The following DPP7 variants were observed in gnomAD, a reference collection of about 807,000 sequenced individuals.
DPP7 encodes the protein dipeptidyl peptidase 7, also known as dipeptidyl peptidase 2.
DPP7 carries 74 observed loss-of-function variants against 58.8 expected under a neutral mutation model. That is an observed-to-expected ratio of 1.26 (90% CI 1.04 to 1.53). The LOEUF is 1.53. Among genes scored for constraint, DPP7 ranks in the 40% most tolerant of loss-of-function variants. The pLI, the probability that DPP7 is intolerant of heterozygous loss-of-function variation, is 0.00. For missense variants in DPP7, 807 were observed against 692.3 expected, an observed-to-expected ratio of 1.17 and a Z score of -1.86; for synonymous variants, 350 against 303.6, an observed-to-expected ratio of 1.15 and a Z score of -1.59.
chr9:137,113,022 G>T lies in DPP7; in HGVS notation c.801C>A (p.Thr267=). The change falls in exon 7 of 13, where the codon ACC becomes ACA. Residue 267 remains threonine, a synonymous_variant. Coordinates refer to ENST00000371579, the MANE Select transcript of DPP7 (RefSeq NM_013379.3). ...QLFMFARNAF[T]VLAMMDYPYP... Reference sequence around the variant, plus strand: ...AGGGGTAGTCCATCATGGCCAGCACGGTGAAGGCATTCCGGGCGAACATGA... The same window carrying T: ...AGGGGTAGTCCATCATGGCCAGCACTGTGAAGGCATTCCGGGCGAACATGA... The T allele has an allele frequency of 6.2e-7, 1 of 1,613,808 alleles. No homozygotes were observed.
Position 137,113,420 on chromosome 9 carries a change from G to C in DPP7, c.562C>G (p.Pro188Ala), listed in dbSNP as rs1383642891. Reference sequence around the variant, plus strand: ...CCGAGGCCTGCCACAGCTAGAACGGGCGCGCTGGCCGCCAGCGCCCCCGCC... The same window carrying C: ...CCGAGGCCTGCCACAGCTAGAACGGCCGCGCTGGCCGCCAGCGCCCCCGCC... ...LVAGALAASA[P>A]VLAVAGLGDS... Residue 188 changes from proline (P) to alanine (A), a missense_variant, in exon 5 of 13, where the codon CCC (proline) becomes GCC (alanine). Pro to Ala is a conservative substitution (Grantham distance 27). Coordinates refer to ENST00000371579, the MANE Select transcript of DPP7 (RefSeq NM_013379.3). 1 of 1,607,016 alleles carries C rather than the reference G, an allele frequency of 6.2e-7. No homozygotes were observed. Among genetic ancestry groups the C allele is most frequent in the Non-Finnish European group, 8.5e-7 (1 of 1,175,862 alleles).
chr9:137,116,065 A>G (rs6560660), upstream of DPP7, among the ~76,000 whole-genome samples: 56,789 of 152,068 alleles, frequency 0.37, 12,453 homozygotes, highest in African/African-American at 0.59. Flanking sequence ...CAGCTCCCCA[A>G]GCACACCAGA....
chr9:137,117,382 G>A (rs997242867), upstream of DPP7, among the ~76,000 whole-genome samples: 6 of 152,212 alleles, frequency 3.9e-5, no homozygotes, highest in South Asian at 2.1e-4. Context: ...AGACACCCCC[G>A]ATCTCTCTCT....
Position 137,110,776 on chromosome 9 carries a change from G to A in DPP7, c.1351C>T (p.His451Tyr), listed in dbSNP as rs1182821304. 6.2e-7 allele frequency: 1 copy of A among 1,604,926 alleles called. No individual in the cohort carries two copies. Residue 451 changes from histidine to tyrosine, a missense_variant, in exon 13 of 13, where the codon CAC becomes TAC. His to Tyr is a moderately conservative substitution (Grantham distance 83). Coordinates refer to ENST00000371579, the MANE Select transcript of DPP7 (RefSeq NM_013379.3). ...GAHHLDLRAS[H>Y]PEDPASVVEA... ...ACCACGGAAGCAGGATCTTCTGGGT[G>A]GGAGGCTCTGGGGAGCGGGCACAGA...
At chr9:137,110,973 C>T (rs1831331900) in intron 11 of DPP7, 23 bp from the exon 12 acceptor site, 1 of 1,611,322 alleles carries the variant, frequency 6.2e-7, no homozygotes, top group South Asian at 1.1e-5. Flanking sequence ...GAAAGAACTC[C>T]ATCAGGTGAG....
chr9:137,111,639 A>C, intron 11 of DPP7, 51 bp downstream of exon 11: 1 of 1,583,192 alleles, frequency 6.3e-7, no homozygotes, highest in South Asian at 1.1e-5. Context: ...CCCTGTCTCA[A>C]AAAAAAAACA....
In DPP7 at chr9:137,113,231, C is replaced by T. The variant is rs1282355117; in HGVS notation, c.678G>A (p.Gln226=). 1.2e-6 allele frequency: 2 copies of T among 1,613,736 alleles called. No individual in the cohort carries two copies. The highest frequency in any genetic ancestry group is 1.7e-6 in the Non-Finnish European group (2 of 1,179,962). ...CTQGVREAFR[Q]IKDLFLQGAY... is the part of the protein sequence containing the mutation. The stretch of plus-strand genomic sequence containing the variant: ...CTCCCTGTAGGAACAAGTCCTTGAT[C>T]TGTCGGAACGCTTCCCGCACACCCT... Residue 226 remains glutamine (Q), a synonymous_variant, in exon 6 of 13, where the codon CAG becomes CAA. Transcript: ENST00000371579.
upstream of DPP7, among the ~76,000 whole-genome samples, chr9:137,117,768 A>C (rs1247949622): frequency 2.6e-5 from 4 of 152,068 alleles, no homozygotes; most frequent in Admixed American, 6.6e-5. Flanking sequence ...AAAATTGACC[A>C]CTTAACCACT....
At position 137,114,694 on chromosome 9, in the gene DPP7, G is replaced by C. The variant is rs1269429541; in HGVS notation, c.20C>G (p.Ala7Gly). 1 of 1,331,464 alleles carries C rather than the reference G, an allele frequency of 7.5e-7. No homozygotes were observed. Among genetic ancestry groups the C allele is most frequent in the Non-Finnish European group, 9.6e-7 (1 of 1,043,162 alleles). 82.5% of individuals were successfully genotyped at this position (1,331,464 alleles called of 1,614,324 possible). Residue 7 changes from alanine (A) to glycine (G), a missense_variant, in exon 1 of 13, where the codon GCC becomes GGC. Physicochemically the swap from Ala to Gly is moderately conservative, Grantham distance 60. This residue lies in a region of DPP7 where 168 missense variants were observed against 124.1 expected (regional missense o/e 1.35). Transcript: ENST00000371579. MGSAPW[A>G]PVLLLALGLR... ...CCCGAGCGCCAGCAGCAGGACCGGGGCCCAGGGAGCGGAGCCCATGTCGCC... is the reference window on the plus strand; with the variant it reads ...CCCGAGCGCCAGCAGCAGGACCGGGCCCCAGGGAGCGGAGCCCATGTCGCC...
At chr9:137,117,049 T>C (rs1224444608), upstream of DPP7, among the ~76,000 whole-genome samples, 2 of 152,226 alleles carry the variant, frequency 1.3e-5, no homozygotes, top group Non-Finnish European at 2.9e-5. Flanking sequence ...AAAATGGTAA[T>C]GAATAAATAC....
At position 137,110,898 on chromosome 9, in the gene DPP7, G is replaced by C. The variant is rs766316021; in HGVS notation, c.1325C>G (p.Ala442Gly). ...SVIAVTIQGG[A>G]HHLDLRASHP... is the part of the protein sequence containing the mutation. ...TCCGCACCTGAGGTCGAGGTGGTGCGCTCCCCCCTGGATGGTGACGGCGAT... is the reference window on the plus strand; with the variant it reads ...TCCGCACCTGAGGTCGAGGTGGTGCCCTCCCCCCTGGATGGTGACGGCGAT... The change falls in exon 12 of 13, where the codon GCG becomes GGG. Residue 442 changes from alanine (A) to glycine (G), a missense_variant. This residue lies in a region of DPP7 where 624 missense variants were observed against 531.2 expected (regional missense o/e 1.17). Coordinates refer to ENST00000371579, the MANE Select transcript of DPP7 (RefSeq NM_013379.3). 6.2e-6 allele frequency: 10 copies of C among 1,612,672 alleles called. No homozygotes were observed. In the South Asian group the frequency reaches 1.1e-4, roughly 18 times the overall value.
Position 137,111,653 on chromosome 9 carries a change from AAACT to A in DPP7, c.1272+33_1272+36del, listed in dbSNP as rs780130529. The A allele has an allele frequency of 2.1e-5, 33 of 1,586,356 alleles. 1 individual carries two copies. In the South Asian group the frequency reaches 2.7e-4, roughly 13 times the overall value. On this transcript the variant is annotated intron_variant, in intron 11 of 12. Transcript: ENST00000371579. Reference sequence around the variant, plus strand: ...ACCCTGTCTCAAAAAAAAAACAAACAAACTAACGGGGTCATAGGGCCCAGGCCAG... The same window carrying A: ...ACCCTGTCTCAAAAAAAAAACAAACAAACGGGGTCATAGGGCCCAGGCCAG...
rs1326907168 is a variant in DPP7, at chr9:137,111,706, G to A, written c.1256C>T (p.Pro419Leu). The A allele has an allele frequency of 1.5e-5, 24 of 1,613,606 alleles. No homozygotes were observed. Among genetic ancestry groups the A allele is most frequent in the Middle Eastern group, 1.6e-4 (1 of 6,080 alleles). The change falls in exon 11 of 13, where the codon CCC (proline) becomes CTC (leucine). Residue 419 changes from proline to leucine, a missense_variant. Pro to Leu is a moderately conservative substitution (Grantham distance 98). Coordinates refer to ENST00000371579, the MANE Select transcript of DPP7 (RefSeq NM_013379.3). ...NIIFSNGNLDPWAGGGIRRNL... is the reference protein window; with the variant it reads ...NIIFSNGNLDLWAGGGIRRNL... ...AGGACTCACCCCGCCCCCTGCCCAG[G>A]GGTCCAGGTTCCCGTTGGAGAAGAT...
At chr9:137,110,806 G>A (rs758002775) in intron 12 of DPP7, 23 bp from the exon 13 acceptor site, 1 of 1,601,642 alleles carries the variant, frequency 6.2e-7, no homozygotes, top group Non-Finnish European at 8.5e-7. Flanking sequence ...CACAGAGGGG[G>A]CCCGTCAGCC....
In DPP7 at chr9:137,114,650, C is replaced by G. The variant is rs746710073; in HGVS notation, c.64G>C (p.Gly22Arg). Residue 22 changes from glycine to arginine, a missense_variant, in exon 1 of 13, where the codon GGG becomes CGG. Coordinates refer to ENST00000371579, the MANE Select transcript of DPP7 (RefSeq NM_013379.3). The part of the protein sequence containing the change: ...LALGLRGLQA[G>R]ARRAPDPGFQ... ...GCCGGGGGGCGCCGCCACTCACCCC[C>G]CGCCTGGAGGCCGCGCAGCCCGAGC... 2.6e-5 allele frequency: 36 copies of G among 1,378,722 alleles called. No individual in the cohort carries two copies. The East Asian group carries it at 6.2e-4, about 24-fold the overall frequency. The allele number at this position is 1,378,722 out of a possible 1,614,324, so 85.4% of individuals were successfully genotyped here. A position where few individuals can be genotyped will look rare whatever the true frequency, so the allele number is the denominator to read the frequency against.
intron 8 of DPP7, 62 bp downstream of exon 8, chr9:137,112,683 C>A: frequency 1.3e-6 from 2 of 1,547,478 alleles, no homozygotes; most frequent in East Asian, 2.4e-5. Flanking sequence ...CCACCCGGCC[C>A]CAGGACCCAA....
At chr9:137,115,591 T>C (rs990386182), upstream of DPP7, among the ~76,000 whole-genome samples, 1 of 152,090 alleles carries the variant, frequency 6.6e-6, no homozygotes, top group African/African-American at 2.4e-5. Context: ...CTCCCAAGAC[T>C]ACCCTCGGCC....
chr9:137,111,457 C>T (rs546859011), intron 11 of DPP7, among the ~76,000 whole-genome samples: 26 of 152,324 alleles, frequency 1.7e-4, no homozygotes, highest in African/African-American at 6.3e-4. Context: ...TCGAGACCAG[C>T]CTGGGCGATA....
At position 137,110,576 on chromosome 9, in the gene DPP7, T is replaced by C. The variant is rs1319627157; in HGVS notation, c.*72A>G. 1 of 1,555,770 alleles carries C rather than the reference T, an allele frequency of 6.4e-7. No individual in the cohort carries two copies. The highest frequency in any genetic ancestry group is 1.4e-5 in the African/African-American group (1 of 73,232). ...GCCTCCAGGCGTTTATTCAGCCCCT[T>C]CCCTCTGCCGCCAGCTGCTTGAGTG... On this transcript the variant is annotated 3_prime_UTR_variant, in exon 13 of 13. Coordinates refer to ENST00000371579, the MANE Select transcript of DPP7 (RefSeq NM_013379.3).
Sources: gnomAD v4.1 joint callset for allele counts (sites outside exome capture counted in the v4.1 genomes callset) on GRCh38, gnomAD v4.1.1 for gene constraint, gnomAD v4.1.1 regional missense constraint, MANE v1.5 for transcripts, NCBI Gene and HGNC (gene_info 2026-07-23, HGNC 2026-07-21) for gene names.